Variants in IQGAP2 observed in about 807,000 individuals in gnomAD.
IQGAP2 encodes IQ motif containing GTPase activating protein 2.
A neutral mutation model predicts 201.3 loss-of-function variants in IQGAP2; 173 were observed. The observed-to-expected ratio is 0.86, with a 90% CI of 0.76 to 0.98. IQGAP2 has a LOEUF of 0.98. Among genes scored for constraint, IQGAP2 ranks in the 50% least tolerant of loss-of-function variants. The probability of loss-of-function intolerance (pLI) is 0.00; values close to 1 mark genes in which losing one functional copy is unlikely to be tolerated. For missense variants in IQGAP2, 1,687 were observed against 1,864.8 expected (o/e 0.90, Z 1.76); for synonymous variants, 675 against 673.9 (o/e 1.00, Z -0.03).
At chr5:76,527,332 G>T (rs2150202324) in intron 2 of IQGAP2, among the ~76,000 whole-genome samples, 1 of 152,304 alleles carries the variant, frequency 6.6e-6, no homozygotes, top group South Asian at 2.1e-4. Flanking sequence ...TCCCCCAAGA[G>T]CTGTTTGAAT....
intron 2 of IQGAP2, among the ~76,000 whole-genome samples, chr5:76,548,427 T>C (rs1256662035): frequency 6.6e-6 from 1 of 152,164 alleles, no homozygotes; most frequent in Non-Finnish European, 1.5e-5. Context: ...ATTGGCTCAT[T>C]TTAGTTTTAG....
intron 1 of IQGAP2, among the ~76,000 whole-genome samples, chr5:76,419,481 C>T (rs1472564857): frequency 2.6e-5 from 4 of 151,778 alleles, no homozygotes; most frequent in Admixed American, 6.6e-5. Flanking sequence ...GAATTGCAGA[C>T]ACATGCCACC....
At chr5:76,443,871 T>G (rs1753202541) in intron 1 of IQGAP2, among the ~76,000 whole-genome samples, 1 of 152,222 alleles carries the variant, frequency 6.6e-6, no homozygotes. Flanking sequence ...TTATTGACAC[T>G]TTTTTCTATT....
intron 2 of IQGAP2, among the ~76,000 whole-genome samples, chr5:76,479,470 A>G (rs951964617): frequency 6.6e-6 from 1 of 152,150 alleles, no homozygotes; most frequent in Admixed American, 6.5e-5. Context: ...GCTTGGCAGC[A>G]AGGTGTTGTG....
At chr5:76,700,963 C>A (rs1048415824) in intron 33 of IQGAP2, 113 bp from the exon 34 acceptor site, 2 of 1,052,454 alleles carry the variant, frequency 1.9e-6, no homozygotes, top group Admixed American at 2.5e-5. Context: ...GTATATTCAG[C>A]GCTCTGAGGG....
chr5:76,594,922 C>A (rs755514952), intron 9 of IQGAP2, among the ~76,000 whole-genome samples: 1 of 151,408 alleles, frequency 6.6e-6, no homozygotes, highest in Non-Finnish European at 1.5e-5. Flanking sequence ...GCTGAGATTG[C>A]GCCACTACAC....
chr5:76,545,049 T>C (rs1312496040), intron 2 of IQGAP2, among the ~76,000 whole-genome samples: 1 of 152,126 alleles, frequency 6.6e-6, no homozygotes, highest in Non-Finnish European at 1.5e-5. Flanking sequence ...TTTTCTTCTA[T>C]ATAGTTATCT....
chr5:76,556,708 A>G (rs1743976529), intron 2 of IQGAP2, among the ~76,000 whole-genome samples: 1 of 152,154 alleles, frequency 6.6e-6, no homozygotes, highest in African/African-American at 2.4e-5. Flanking sequence ...CTGACTGGTT[A>G]TTCTGTCAGC....
intron 2 of IQGAP2, among the ~76,000 whole-genome samples, chr5:76,469,054 CAAG>C (rs1467070113): frequency 6.6e-6 from 1 of 152,132 alleles, no homozygotes; most frequent in Non-Finnish European, 1.5e-5. Context: ...TTGGAGGTAA[CAAG>C]GAGGATATGA....
chr5:76,441,624 C>T (rs1753042147), intron 1 of IQGAP2: 5 of 491,312 alleles, frequency 1.0e-5, no homozygotes, highest in Non-Finnish European at 1.3e-5. Flanking sequence ...GTTCTGTTCC[C>T]ATTCGAGCAC....
chr5:76,502,399 TA>T (rs1757331027), intron 2 of IQGAP2, among the ~76,000 whole-genome samples: 2 of 152,196 alleles, frequency 1.3e-5, no homozygotes, highest in East Asian at 1.9e-4. Context: ...TTTTTGGGGA[TA>T]GGAAAATTCC....
chr5:76,552,031 G>A (rs922018779), intron 2 of IQGAP2, among the ~76,000 whole-genome samples: 2 of 152,188 alleles, frequency 1.3e-5, no homozygotes, highest in Non-Finnish European at 2.9e-5. Context: ...TGAAATGGAA[G>A]AGAGCCTTCC....
intron 2 of IQGAP2, among the ~76,000 whole-genome samples, chr5:76,503,946 T>A (rs1033081790): frequency 3.9e-5 from 6 of 152,204 alleles, no homozygotes; most frequent in Non-Finnish European, 8.8e-5. Context: ...AGTACAGATA[T>A]TCTTCTGTTG....
chr5:76,597,655 G>C lies in IQGAP2; in HGVS notation c.1071+53G>C. ...GGACGGTAACCCTGCGTGCCATGGC[G>C]CACTAGGGAAGCCTAGTTAGGAAAG... On this transcript the variant is annotated intron_variant, in intron 10 of 35. Transcript: ENST00000274364. 3.2e-6 allele frequency: 5 copies of C among 1,580,928 alleles called. No individual in the cohort carries two copies. In the South Asian group the frequency reaches 5.5e-5, roughly 18 times the overall value.
Position 76,403,586 on chromosome 5 carries a change from A to G in IQGAP2, c.41A>G (p.Tyr14Cys). 6.5e-7 allele frequency: 1 copy of G among 1,540,254 alleles called. No individual in the cohort carries two copies. Among genetic ancestry groups the G allele is most frequent in the Non-Finnish European group, 8.7e-7 (1 of 1,148,080 alleles). The change falls in exon 1 of 36, where the codon TAT becomes TGT. Residue 14 changes from tyrosine to cysteine, a missense_variant. By Grantham distance (194) the Tyr-to-Cys change is radical. Coordinates refer to ENST00000274364, the MANE Select transcript of IQGAP2 (RefSeq NM_006633.5). This position sits in a 1 kb window ranked among gnomAD's most constrained non-coding sequence, Gnocchi z 4.8. Reference sequence around the variant, plus strand: ...CTGCCGTCGCTGCAGAGACCCCGCTATGGCTGTAAGTGCGCCGGGCGCGCG... The same window carrying G: ...CTGCCGTCGCTGCAGAGACCCCGCTGTGGCTGTAAGTGCGCCGGGCGCGCG... ...EELPSLQRPRYGSIVDDERLS... is the reference protein window; with the variant it reads ...EELPSLQRPRCGSIVDDERLS...
At chr5:76,508,941 C>G (rs1039005956) in intron 2 of IQGAP2, among the ~76,000 whole-genome samples, 1 of 152,072 alleles carries the variant, frequency 6.6e-6, no homozygotes, top group South Asian at 2.1e-4. Context: ...TATCCTGATC[C>G]TCTCGGGGAA....
chr5:76,643,626 G>A (rs1382352033), intron 17 of IQGAP2, among the ~76,000 whole-genome samples: 1 of 152,160 alleles, frequency 6.6e-6, no homozygotes, highest in Non-Finnish European at 1.5e-5. Flanking sequence ...TAGGATTAGA[G>A]TAGGTAACTA....
At chr5:76,445,390 T>C (rs1753315273) in intron 1 of IQGAP2, among the ~76,000 whole-genome samples, 3 of 152,076 alleles carry the variant, frequency 2.0e-5, no homozygotes, top group African/African-American at 7.2e-5. Flanking sequence ...TTGCAAAGAA[T>C]TGAGAATAGC....
chr5:76,425,157 G>A (rs1313084688), intron 1 of IQGAP2, among the ~76,000 whole-genome samples: 1 of 152,252 alleles, frequency 6.6e-6, no homozygotes, highest in Non-Finnish European at 1.5e-5. Context: ...CCCTGCATTC[G>A]CTTAATCCAT....
Sources: gnomAD v4.1 joint callset for allele counts (sites outside exome capture counted in the v4.1 genomes callset) on GRCh38, gnomAD v4.1.1 for gene constraint, Gnocchi (gnomAD v3.1) non-coding constraint, MANE v1.5 for transcripts, NCBI Gene and HGNC (gene_info 2026-07-23, HGNC 2026-07-21) for gene names.